Variants in STK39 observed in about 807,000 individuals in gnomAD.
The protein encoded by STK39 is serine/threonine kinase 39.
In STK39, 20 loss-of-function variants were observed where a neutral mutation model predicts 77.8. The ratio of observed to expected loss-of-function variants is 0.26; its 90% CI spans 0.18 to 0.37. STK39 has a LOEUF of 0.37. Among genes scored for constraint, STK39 ranks in the 10% least tolerant of loss-of-function variants. The probability of loss-of-function intolerance (pLI) is 1.00; values close to 1 mark genes in which losing one functional copy is unlikely to be tolerated. For synonymous variants in STK39, 246 were observed against 234.1 expected (o/e 1.05, Z -0.47); for missense variants, 479 against 656.5 (o/e 0.73, Z 2.95).
intron 1 of STK39, among the ~76,000 whole-genome samples, chr2:168,244,770 T>C (rs1251384281): frequency 6.6e-6 from 1 of 152,168 alleles, no homozygotes; most frequent in Non-Finnish European, 1.5e-5. Context: ...GTTGGGAAAA[T>C]ATGAGATAAA....
At chr2:168,136,036 A>C (rs1223905291) in intron 8 of STK39, among the ~76,000 whole-genome samples, 1 of 150,840 alleles carries the variant, frequency 6.6e-6, no homozygotes, top group Non-Finnish European at 1.5e-5. Context: ...TTAAGCTCAT[A>C]TAATGAATAA....
chr2:168,181,892 T>G, intron 2 of STK39, 86 bp downstream of exon 2: 1 of 1,157,090 alleles, frequency 8.6e-7, no homozygotes, highest in Non-Finnish European at 1.3e-6. Context: ...AAACTGGAGA[T>G]AACACCTTGC....
chr2:168,213,419 C>T (rs779841308), intron 1 of STK39, among the ~76,000 whole-genome samples: 2 of 152,032 alleles, frequency 1.3e-5, no homozygotes, highest in Non-Finnish European at 2.9e-5. Context: ...CTTTCTATTA[C>T]AAAACTTCAT....
intron 1 of STK39, among the ~76,000 whole-genome samples, chr2:168,207,186 A>G (rs994660296): frequency 3.7e-4 from 57 of 152,350 alleles, no homozygotes; most frequent in African/African-American, 1.2e-3. Context: ...CTGCTACCCT[A>G]TGATAGTGAC....
At chr2:168,070,443 CTTT>C (rs542248785) in intron 12 of STK39, among the ~76,000 whole-genome samples, 1,688 of 140,690 alleles carry the variant, frequency 0.012, 38 homozygotes, top group African/African-American at 0.041. Flanking sequence ...TTCGATATTT[CTTT>C]TTTTTTTTTT....
intron 10 of STK39, among the ~76,000 whole-genome samples, chr2:168,099,451 T>C (rs1686763887): frequency 6.6e-6 from 1 of 152,210 alleles, no homozygotes; most frequent in South Asian, 2.1e-4. Flanking sequence ...TATGGCTTCA[T>C]TCCCTAACTA....
At chr2:168,218,776 G>C (rs1258910217) in intron 1 of STK39, among the ~76,000 whole-genome samples, 1 of 152,126 alleles carries the variant, frequency 6.6e-6, no homozygotes, top group Non-Finnish European at 1.5e-5. Context: ...AAAGACGTGG[G>C]GAAAGCCTCA....
intron 1 of STK39, among the ~76,000 whole-genome samples, chr2:168,215,905 G>C (rs759510543): frequency 6.6e-6 from 1 of 152,166 alleles, no homozygotes; most frequent in Non-Finnish European, 1.5e-5. Context: ...ACCTCACCCT[G>C]CTCTCTAGGG....
intron 14 of STK39, among the ~76,000 whole-genome samples, chr2:168,027,700 G>A (rs886304196): frequency 6.6e-6 from 1 of 152,142 alleles, no homozygotes; most frequent in African/African-American, 2.4e-5. Context: ...AAAGAATTTG[G>A]CCTCACACAC....
chr2:168,101,816 T>G (rs148066200), intron 10 of STK39, among the ~76,000 whole-genome samples: 176 of 152,290 alleles, frequency 1.2e-3, no homozygotes, highest in African/African-American at 4.0e-3. Context: ...AACTCAACTA[T>G]GTAAAATGGG....
intron 16 of STK39, among the ~76,000 whole-genome samples, chr2:168,009,567 G>C (rs1684217062): frequency 1.3e-5 from 2 of 152,094 alleles, no homozygotes; most frequent in Non-Finnish European, 2.9e-5. Flanking sequence ...ATACTTCTTC[G>C]GACCTCAGTT....
chr2:168,226,637 C>T (rs1282614780), intron 1 of STK39, among the ~76,000 whole-genome samples: 1 of 152,042 alleles, frequency 6.6e-6, no homozygotes, highest in Admixed American at 6.6e-5. Flanking sequence ...CACCTCACCC[C>T]ACCCACCATT....
intron 15 of STK39, among the ~76,000 whole-genome samples, chr2:168,016,412 A>AAAAAAAAAAAAC (rs1553514340): frequency 6.8e-6 from 1 of 146,412 alleles, no homozygotes; most frequent in African/African-American, 2.6e-5. Flanking sequence ...AAAAAAAAAA[A>AAAAAAAAAAAAC]ACAACACTAC....
At chr2:168,246,178 C>T (rs1409662882) in intron 1 of STK39, among the ~76,000 whole-genome samples, 2 of 152,256 alleles carry the variant, frequency 1.3e-5, no homozygotes, top group African/African-American at 2.4e-5. Context: ...GGAAAGGCAA[C>T]ATCCCATCCC....
intron 1 of STK39, among the ~76,000 whole-genome samples, chr2:168,227,124 T>G (rs1317816883): frequency 6.6e-6 from 1 of 152,218 alleles, no homozygotes; most frequent in African/African-American, 2.4e-5. Context: ...AATTTACAGA[T>G]TGCAGAACAA....
At chr2:168,091,976 A>T (rs571250030) in intron 10 of STK39, among the ~76,000 whole-genome samples, 2 of 152,334 alleles carry the variant, frequency 1.3e-5, no homozygotes, top group South Asian at 4.1e-4. Flanking sequence ...GTCTACGTTC[A>T]ATTTTGTCCT....
chr2:168,144,494 T>TG (rs1171120635), intron 5 of STK39, among the ~76,000 whole-genome samples: 5 of 151,836 alleles, frequency 3.3e-5, no homozygotes, highest in African/African-American at 1.2e-4. Context: ...TTTGTAGATA[T>TG]GGGGTCTCTC....
At chr2:168,050,412 T>C (rs1685364031) in intron 14 of STK39, among the ~76,000 whole-genome samples, 1 of 152,086 alleles carries the variant, frequency 6.6e-6, no homozygotes, top group South Asian at 2.1e-4. Context: ...TAACTCTTCA[T>C]GGCAAAAAGG....
chr2:168,134,249 A>G (rs1343365061), intron 8 of STK39, among the ~76,000 whole-genome samples: 1 of 152,246 alleles, frequency 6.6e-6, no homozygotes, highest in Non-Finnish European at 1.5e-5. Context: ...AAGTAACAAC[A>G]TTCTCAGAAG....
Sources: allele counts gnomAD v4.1 joint callset (sites outside exome capture counted in the v4.1 genomes callset), GRCh38; gene constraint gnomAD v4.1.1; transcripts MANE v1.5; gene names NCBI Gene and HGNC (gene_info 2026-07-23, HGNC 2026-07-21).